PLEKHA7: variants seen among roughly 807,000 people sequenced by gnomAD.
The protein encoded by PLEKHA7 is pleckstrin homology domain-containing family A member 7.
Under a neutral mutation model 170.0 loss-of-function variants are expected in PLEKHA7, and 104 were observed. The ratio of observed to expected loss-of-function variants is 0.61; its 90% CI spans 0.52 to 0.72. The LOEUF (loss-of-function observed/expected upper bound fraction) is 0.72. Ranked by LOEUF, PLEKHA7 falls within the 30% of genes least tolerant of loss-of-function variation. The probability of loss-of-function intolerance (pLI) is 0.00; values close to 1 mark genes in which losing one functional copy is unlikely to be tolerated. For synonymous variants in PLEKHA7, 648 were observed against 660.8 expected (o/e 0.98, Z 0.30); for missense variants, 1,615 against 1,671.7 (o/e 0.97, Z 0.59).
chr11:16,891,366 A>T (rs1856602337), intron 3 of PLEKHA7, among the ~76,000 whole-genome samples: 1 of 152,232 alleles, frequency 6.6e-6, no homozygotes, highest in South Asian at 2.1e-4. Flanking sequence ...TGATGCCTCT[A>T]TAGGCCAGGA....
At chr11:16,959,604 G>A (rs934880037) in intron 3 of PLEKHA7, among the ~76,000 whole-genome samples, 7 of 152,094 alleles carry the variant, frequency 4.6e-5, no homozygotes, top group Admixed American at 2.6e-4. Flanking sequence ...AGTAACATCA[G>A]GTCTGAACAC....
chr11:17,008,908 A>G (rs976764537), intron 3 of PLEKHA7, among the ~76,000 whole-genome samples: 2 of 152,186 alleles, frequency 1.3e-5, no homozygotes, highest in Non-Finnish European at 2.9e-5. Flanking sequence ...CCATGTTTGA[A>G]AAAGCTGTGT....
At chr11:16,920,899 G>C (rs1387682567) in intron 3 of PLEKHA7, among the ~76,000 whole-genome samples, 1 of 152,114 alleles carries the variant, frequency 6.6e-6, no homozygotes, top group African/African-American at 2.4e-5. Context: ...TTGCTTTATT[G>C]GTGTCACACC....
At chr11:16,977,637 C>T (rs1029875071) in intron 3 of PLEKHA7, among the ~76,000 whole-genome samples, 9 of 152,138 alleles carry the variant, frequency 5.9e-5, no homozygotes, top group African/African-American at 1.7e-4. Context: ...AGCTGGTTAA[C>T]GCCCATCCTG....
At chr11:16,906,920 A>AGCGCCT (rs1457836335) in intron 3 of PLEKHA7, among the ~76,000 whole-genome samples, 11 of 140,026 alleles carry the variant, frequency 7.9e-5, no homozygotes, top group South Asian at 4.9e-4. Context: ...AGATGTGGGG[A>AGCGCCT]GCGCCTCTGC....
intron 3 of PLEKHA7, among the ~76,000 whole-genome samples, chr11:16,879,658 C>G (rs1452925597): frequency 6.6e-6 from 1 of 152,218 alleles, no homozygotes; most frequent in African/African-American, 2.4e-5. Context: ...CCAAAGGGAA[C>G]AGAGCCTGGC....
rs372628066 is a variant in PLEKHA7, at chr11:16,826,327, G to A, written c.1136C>T (p.Thr379Ile). The A allele has an allele frequency of 1.9e-6, 3 of 1,614,112 alleles. No individual in the cohort carries two copies. Among genetic ancestry groups the A allele is most frequent in the Non-Finnish European group, 2.5e-6 (3 of 1,180,038 alleles). ...EEDALFMDLP[T>I]GPRGQQAQPQ... ...CTGTGCCTGCTGGCCTCTTGGGCCA[G>A]TGGGTAAATCCATAAACAAGGCATC... is the stretch of plus-strand genomic sequence containing the variant. Residue 379 changes from threonine to isoleucine, a missense_variant, in exon 10 of 27, where the codon ACT becomes ATT. Physicochemically the swap from Thr to Ile is moderately conservative, Grantham distance 89 (BLOSUM62 -1). Transcript: ENST00000531066.
At chr11:16,977,058 T>C (rs1461314741) in intron 3 of PLEKHA7, among the ~76,000 whole-genome samples, 2 of 152,072 alleles carry the variant, frequency 1.3e-5, no homozygotes, top group African/African-American at 4.8e-5. Flanking sequence ...AGCATCCCCA[T>C]CCCTCTCACT....
chr11:16,938,778 G>A (rs1860485588), intron 3 of PLEKHA7, among the ~76,000 whole-genome samples: 1 of 151,956 alleles, frequency 6.6e-6, no homozygotes, highest in Non-Finnish European at 1.5e-5. Flanking sequence ...AATGCTTTAG[G>A]AATAAAACAT....
At chr11:16,803,085 G>A (rs2134418290) in intron 14 of PLEKHA7, 33 bp from the exon 15 acceptor site, 3 of 1,591,606 alleles carry the variant, frequency 1.9e-6, no homozygotes, top group East Asian at 2.2e-5. Flanking sequence ...AGGGCCTGGG[G>A]TGATGAGAAA....
Position 16,919,036 on chromosome 11 carries a change from C to T in PLEKHA7, c.222-47854G>A, listed in dbSNP as rs59816716. Among the ~76,000 whole-genome samples the T allele has an allele frequency of 9.8e-3, 1,492 of 152,174 alleles. 29 individuals are homozygous for T. The highest frequency in any genetic ancestry group is 0.034 in the African/African-American group (1,399 of 41,508). On this transcript the variant is annotated intron_variant, in intron 3 of 26. Coordinates refer to ENST00000531066, the MANE Select transcript of PLEKHA7 (RefSeq NM_001329630.2). ...GACCAGCCTTGCCAAGATGATGAAA[C>T]CCCATCTCTACTAAAAAATACAAAA... is the stretch of plus-strand genomic sequence containing the variant.
chr11:16,976,257 A>G (rs1355939829), intron 3 of PLEKHA7, among the ~76,000 whole-genome samples: 1 of 152,268 alleles, frequency 6.6e-6, no homozygotes, highest in Non-Finnish European at 1.5e-5. Flanking sequence ...GGAAATTGGC[A>G]AAGATCAGAG....
At position 16,786,277 on chromosome 11, in the gene PLEKHA7, A is replaced by AGTGACAG; in HGVS notation, c.3461_3467dup (p.Glu1157CysfsTer3). ...AGTCTTGAGGCTCCAGGTCCAACTC[A>AGTGACAG]GTGACAGGCATGGCCTGCACTTTCA... On this transcript the variant is annotated frameshift_variant, in exon 24 of 27. Transcript: ENST00000531066. LOFTEE classifies it high-confidence loss of function. 6.5e-7 allele frequency: 1 copy of AGTGACAG among 1,536,144 alleles called. No individual in the cohort carries two copies. Among genetic ancestry groups the AGTGACAG allele is most frequent in the Non-Finnish European group, 8.7e-7 (1 of 1,146,902 alleles).
rs1389721860 is a variant in PLEKHA7 at position 16,946,755 on chromosome 11, TTCTGTTAGAC to T, written c.221+67224_221+67233del. Among the ~76,000 whole-genome samples, 3 of 152,160 alleles carry T rather than the reference TTCTGTTAGAC, an allele frequency of 2.0e-5. No individual in the cohort carries two copies. The East Asian group carries it at 5.8e-4, about 29-fold the overall frequency. ...AACTTGCTGTGGGTCTTAATGAGCT[TTCTGTTAGAC>T]TCTGTTAGACTCGGGCTCCAGCAAC... On this transcript the variant is annotated intron_variant, in intron 3 of 26. Coordinates refer to ENST00000531066, the MANE Select transcript of PLEKHA7 (RefSeq NM_001329630.2).
chr11:16,797,964 T>A (rs150841592), intron 17 of PLEKHA7, among the ~76,000 whole-genome samples: 1 of 152,072 alleles, frequency 6.6e-6, no homozygotes, highest in Admixed American at 6.5e-5. Context: ...TGGGCCTTCA[T>A]AATGAGGGGA....
At chr11:17,005,318 G>A (rs1281171840) in intron 3 of PLEKHA7, among the ~76,000 whole-genome samples, 1 of 88,816 alleles carries the variant, frequency 1.1e-5, no homozygotes, top group Admixed American at 1.3e-4. Flanking sequence ...GATTACTTGA[G>A]GTCAGGAGTT....
intron 9 of PLEKHA7, among the ~76,000 whole-genome samples, chr11:16,837,535 T>C (rs779108983): frequency 6.6e-6 from 1 of 152,060 alleles, no homozygotes; most frequent in Non-Finnish European, 1.5e-5. Flanking sequence ...TAAAAGGACA[T>C]GTATAAGAAA....
chr11:16,880,608 C>A (rs944040349), intron 3 of PLEKHA7, among the ~76,000 whole-genome samples: 17 of 152,166 alleles, frequency 1.1e-4, no homozygotes, highest in Admixed American at 5.2e-4. Context: ...GCACAGCACC[C>A]AGCCTCCTGT....
intron 4 of PLEKHA7, among the ~76,000 whole-genome samples, chr11:16,865,565 A>T (rs955081156): frequency 9.5e-6 from 1 of 105,218 alleles, no homozygotes; most frequent in African/African-American, 3.0e-5. Flanking sequence ...CTCTACTAAA[A>T]ATACAAAAAT....
Sources: allele counts gnomAD v4.1 joint callset (sites outside exome capture counted in the v4.1 genomes callset), GRCh38; gene constraint gnomAD v4.1.1; transcripts MANE v1.5; gene names NCBI Gene and HGNC (gene_info 2026-07-23, HGNC 2026-07-21).